Variants in PIEZO1 observed in about 807,000 individuals in gnomAD.
PIEZO1 encodes the protein piezo-type mechanosensitive ion channel component 1.
Under a neutral mutation model 297.2 loss-of-function variants are expected in PIEZO1, and 296 were observed. The observed-to-expected ratio is 1.00, with a 90% CI of 0.91 to 1.10. The LOEUF is 1.10. Among genes scored for constraint, PIEZO1 ranks in the 50% least tolerant of loss-of-function variants. The pLI is 0.00. For missense variants in PIEZO1, 5,018 were observed against 3,455.5 expected, an observed-to-expected ratio of 1.45 and a Z score of -11.34; for synonymous variants, 2,427 against 1,507.5, an observed-to-expected ratio of 1.61 and a Z score of -14.13.
chr16:88,762,254 G>A (rs934334615), intron 1 of PIEZO1, among the ~76,000 whole-genome samples: 2 of 152,124 alleles, frequency 1.3e-5, no homozygotes, highest in Non-Finnish European at 2.9e-5. Context: ...TGAAGAAAGG[G>A]CCCCCGCTGG....
chr16:88,717,237 C>T (rs374146636), intron 44 of PIEZO1, 26 bp from the exon 45 acceptor site: 43 of 1,538,312 alleles, frequency 2.8e-5, no homozygotes, highest in East Asian at 7.3e-5. Flanking sequence ...ACAGGTCATA[C>T]GCTCAGCTCT....
At chr16:88,735,383 C>T in intron 12 of PIEZO1, 137 bp from the exon 13 acceptor site, 1 of 658,572 alleles carries the variant, frequency 1.5e-6, no homozygotes, top group East Asian at 2.7e-5. Context: ...GCAGCCTCCC[C>T]ACAGGCACCG....
At chr16:88,743,120 C>T (rs765472249) in intron 2 of PIEZO1, 3 of 456,504 alleles carry the variant, frequency 6.6e-6, no homozygotes, top group East Asian at 6.9e-5. Context: ...GCAGCCTTGT[C>T]CTGCTCCCAG....
At chr16:88,730,105 A>C (rs1287323061) in intron 22 of PIEZO1, among the ~76,000 whole-genome samples, 1 of 152,264 alleles carries the variant, frequency 6.6e-6, no homozygotes, top group Non-Finnish European at 1.5e-5. Context: ...GCTCGAAAGC[A>C]GATGTTTCAA....
chr16:88,762,738 G>A (rs1248531278), intron 1 of PIEZO1, among the ~76,000 whole-genome samples: 1 of 152,190 alleles, frequency 6.6e-6, no homozygotes, highest in East Asian at 1.9e-4. Flanking sequence ...GGGAAACTGA[G>A]GCACGGTGGG....
intron 33 of PIEZO1, 40 bp downstream of exon 33, chr16:88,723,055 C>G: frequency 6.5e-7 from 1 of 1,544,816 alleles, no homozygotes; most frequent in Non-Finnish European, 8.7e-7. Context: ...CCTGTGGGGC[C>G]AAGAGAGACC....
Position 88,726,956 on chromosome 16 carries a change from G to C in PIEZO1, c.3458C>G (p.Ser1153Cys), listed in dbSNP as rs758211130. 4 of 1,550,348 alleles carry C rather than the reference G, an allele frequency of 2.6e-6. No individual in the cohort carries two copies. The highest frequency in any genetic ancestry group is 1.2e-5 in the South Asian group (1 of 84,056). ...NPVPNFIHCR[S>C]YLDMLKVAVF... ...GGCCACCTTCAGCATGTCAAGGTAGGACCTGCCAGGCCGGAGCGTCAGGGC... is the reference window on the plus strand; with the variant it reads ...GGCCACCTTCAGCATGTCAAGGTAGCACCTGCCAGGCCGGAGCGTCAGGGC... Residue 1153 changes from serine (S) to cysteine (C), a missense_variant and splice_region_variant, in exon 25 of 51, where the codon TCC (serine) becomes TGC (cysteine). Physicochemically the swap from Ser to Cys is moderately radical, Grantham distance 112. Coordinates refer to ENST00000301015, the MANE Select transcript of PIEZO1 (RefSeq NM_001142864.4).
chr16:88,749,588 C>T, intron 1 of PIEZO1, 109 bp from the exon 2 acceptor site: 1 of 803,388 alleles, frequency 1.2e-6, no homozygotes, highest in Non-Finnish European at 1.9e-6. Flanking sequence ...GCCGTGTGCC[C>T]TGTGAGTGCT....
chr16:88,736,065 C>T lies in PIEZO1; in HGVS notation c.1557+83G>A, dbSNP rs76354120. 361,580 of 1,367,170 alleles carry T rather than the reference C, an allele frequency of 0.26. 50,851 individuals carry two copies. The highest frequency in any genetic ancestry group is 0.29 in the Non-Finnish European group (296,273 of 1,017,438). 84.7% of individuals were successfully genotyped at this position (1,367,170 alleles called of 1,614,324 possible). On this transcript the variant is annotated intron_variant, in intron 12 of 50. Coordinates refer to ENST00000301015, the MANE Select transcript of PIEZO1 (RefSeq NM_001142864.4). Reference sequence around the variant, plus strand: ...TGCCTTCTTGGCGCTGCCACTCCCCCGGGCAAGTGGACATTGAACAGGACG... The same window carrying T: ...TGCCTTCTTGGCGCTGCCACTCCCCTGGGCAAGTGGACATTGAACAGGACG...
At chr16:88,755,554 C>G (rs1032095657) in intron 1 of PIEZO1, among the ~76,000 whole-genome samples, 1 of 152,248 alleles carries the variant, frequency 6.6e-6, no homozygotes. Context: ...TGGAGGCTGC[C>G]TGAGGCCATG....
Position 88,734,028 on chromosome 16 carries a change from A to G in PIEZO1, c.2207T>C (p.Leu736Pro), listed in dbSNP as rs999049540. Reference protein sequence around the residue: ...HRQDAVSGTPLLREEQQEHQQ... With the variant: ...HRQDAVSGTPPLREEQQEHQQ... ...ATGCTCCTGCTGCTCCTCCCGCAGCAGTGGGGTCCCACTCACTGCATCCTG... is the reference window on the plus strand; with the variant it reads ...ATGCTCCTGCTGCTCCTCCCGCAGCGGTGGGGTCCCACTCACTGCATCCTG... Residue 736 changes from leucine (L) to proline (P), a missense_variant, in exon 17 of 51, where the codon CTG becomes CCG. Leu to Pro is a moderately conservative substitution (Grantham distance 98, BLOSUM62 -3). Transcript: ENST00000301015. 5.8e-6 allele frequency: 9 copies of G among 1,542,180 alleles called. No homozygotes were observed. Among genetic ancestry groups the G allele is most frequent in the Admixed American group, 2.0e-5 (1 of 50,096 alleles).
intron 22 of PIEZO1, chr16:88,731,129 G>T (rs2142800945): frequency 6.4e-6 from 1 of 156,968 alleles, no homozygotes; most frequent in African/African-American, 2.4e-5. Flanking sequence ...CCTCCCTCCG[G>T]AACTTCCCAA....
At position 88,732,344 on chromosome 16, in the gene PIEZO1, G is replaced by A. The variant is rs374262841; in HGVS notation, c.2982C>T (p.Phe994=). The A allele has an allele frequency of 6.3e-5, 97 of 1,549,272 alleles. No homozygotes were observed. Among genetic ancestry groups the A allele is most frequent in the East Asian group, 2.2e-4 (9 of 40,892 alleles). The change falls in exon 21 of 51, where the codon TTC becomes TTT. Residue 994 remains phenylalanine, a synonymous_variant. Coordinates refer to ENST00000301015, the MANE Select transcript of PIEZO1 (RefSeq NM_001142864.4). ...KYFINFFFYK[F]GLEICFLMAV... ...AATGTCCTTGCCTCACCTCCAGCCC[G>A]AATTTGTAGAAGAAGAAGTTGATGA... is the stretch of plus-strand genomic sequence containing the variant.
intron 12 of PIEZO1, 120 bp downstream of exon 12, chr16:88,736,028 G>C (rs1216272429): frequency 1.5e-5 from 15 of 1,026,128 alleles, no homozygotes; most frequent in East Asian, 1.1e-4. Context: ...GAAGGGGACA[G>C]ACAGACACAT....
chr16:88,728,356 T>C (rs1904603725), intron 22 of PIEZO1, among the ~76,000 whole-genome samples: 1 of 152,212 alleles, frequency 6.6e-6, no homozygotes, highest in Non-Finnish European at 1.5e-5. Flanking sequence ...CACAGCCCCA[T>C]CTGCCACAGA....
chr16:88,715,360 T>TAAAA lies in PIEZO1; in HGVS notation c.*241_*244dup, dbSNP rs1712117761. On this transcript the variant is annotated 3_prime_UTR_variant, in exon 51 of 51. Transcript: ENST00000301015. ...GCCTCTGATTGTCCATTTGTATAAATAAAACATTTTTTAATTAAAAAAAAA... is the reference window on the plus strand; with the variant it reads ...GCCTCTGATTGTCCATTTGTATAAATAAAAAAAACATTTTTTAATTAAAAAAAAA... 1.6e-6 allele frequency: 2 copies of TAAAA among 1,232,668 alleles called. No individual in the cohort carries two copies. The highest frequency in any genetic ancestry group is 5.1e-5 in the East Asian group (2 of 39,382). The allele number at this position is 1,232,668 out of a possible 1,614,324, so 76.4% of individuals were successfully genotyped here.
rs1427863708 is a variant in PIEZO1 at position 88,737,959 on chromosome 16, A to C, written c.995T>G (p.Leu332Arg). 4 of 1,532,696 alleles carry C rather than the reference A, an allele frequency of 2.6e-6. No homozygotes were observed. Among genetic ancestry groups the C allele is most frequent in the South Asian group, 1.2e-5 (1 of 83,756 alleles). 94.9% of individuals were successfully genotyped at this position (1,532,696 alleles called of 1,614,324 possible). A position where few individuals can be genotyped will look rare whatever the true frequency, so the allele number is the denominator to read the frequency against. ...CTGGCCGGAGGGGCGGTACGCGCGG[A>C]GCTTGCGCAGAGAGGCCGTGGCGTA... ...LCYATASLRKLRAYRPSGQRK... is the reference protein window; with the variant it reads ...LCYATASLRKRRAYRPSGQRK... Residue 332 changes from leucine to arginine, a missense_variant, in exon 8 of 51, where the codon CTC (leucine) becomes CGC (arginine). Physicochemically the swap from Leu to Arg is moderately radical, Grantham distance 102 (BLOSUM62 -2). Transcript: ENST00000301015.
intron 29 of PIEZO1, 132 bp downstream of exon 29, chr16:88,725,284 G>T (rs138475219): frequency 8.1e-5 from 57 of 702,310 alleles, no homozygotes; most frequent in Non-Finnish European, 1.1e-4. Context: ...CCAGACAGAG[G>T]GTGATCATGC....
Position 88,720,182 on chromosome 16 carries a change from A to G in PIEZO1, c.6051T>C (p.Val2017=), listed in dbSNP as rs750562920. 6.4e-7 allele frequency: 1 copy of G among 1,550,516 alleles called. No homozygotes were observed. The highest frequency in any genetic ancestry group is 1.2e-5 in the South Asian group (1 of 84,058). The part of the protein sequence containing the change: ...MLLIQFSTMV[V]DRALYLRKTV... ...TCTTGCGCAGGTAGAGGGCGCGGTC[A>G]ACCACCATGGTACTGAACTGGATCA... is the stretch of plus-strand genomic sequence containing the variant. Residue 2017 remains valine (V), a synonymous_variant, in exon 42 of 51, where the codon GTT becomes GTC. Coordinates refer to ENST00000301015, the MANE Select transcript of PIEZO1 (RefSeq NM_001142864.4).
Sources: allele counts gnomAD v4.1 joint callset (sites outside exome capture counted in the v4.1 genomes callset), GRCh38; gene constraint gnomAD v4.1.1; transcripts MANE v1.5; gene names NCBI Gene and HGNC (gene_info 2026-07-23, HGNC 2026-07-21).